The following EYS variants were observed in gnomAD, a reference collection of about 807,000 sequenced individuals.
EYS encodes the protein EGF-like photoreceptor maintenance factor.
Under a neutral mutation model 282.1 loss-of-function variants are expected in EYS, and 250 were observed. The observed-to-expected ratio is 0.89, with a 90% CI of 0.80 to 0.98. EYS has a LOEUF of 0.98. Ranked by LOEUF, EYS falls within the 50% of genes least tolerant of loss-of-function variation. The pLI, the probability that EYS is intolerant of heterozygous loss-of-function variation, is 0.00. For missense variants in EYS, 4,016 were observed against 3,709.0 expected (o/e 1.08, Z -2.15); for synonymous variants, 1,355 against 1,282.9 (o/e 1.06, Z -1.20).
chr6:64,758,306 A>G (rs1172897323), intron 22 of EYS, among the ~76,000 whole-genome samples: 1 of 152,196 alleles, frequency 6.6e-6, no homozygotes, highest in Non-Finnish European at 1.5e-5. Flanking sequence ...GCAGACTAAT[A>G]CAACTTGATT....
rs1767973188 is a variant in EYS, at chr6:65,660,632, AAC to A, written c.-447-20742_-447-20741del. ...AGGGAAATATATGTATACTCACACAAACACACTCACACGCAATTATATATTTT... is the reference window on the plus strand; with the variant it reads ...AGGGAAATATATGTATACTCACACAAACACTCACACGCAATTATATATTTT... On this transcript the variant is annotated intron_variant, in intron 1 of 42. Coordinates refer to ENST00000503581, the MANE Select transcript of EYS (RefSeq NM_001142800.2). 2.0e-5 allele frequency among the ~76,000 whole-genome samples: 3 copies of A among 151,828 alleles called. No individual in the cohort carries two copies. The East Asian group carries it at 5.8e-4, about 29-fold the overall frequency.
At chr6:64,979,405 A>G (rs915708889) in intron 14 of EYS, among the ~76,000 whole-genome samples, 2 of 151,794 alleles carry the variant, frequency 1.3e-5, no homozygotes, top group African/African-American at 4.8e-5. Context: ...ACTTGATAGA[A>G]CTGACCTAAG....
chr6:65,667,373 C>T (rs1768236919), intron 1 of EYS, among the ~76,000 whole-genome samples: 5 of 151,844 alleles, frequency 3.3e-5, no homozygotes. Context: ...CTCTTTCTCA[C>T]TTATTTGGCT....
chr6:64,325,833 G>C (rs1169222314), intron 29 of EYS, among the ~76,000 whole-genome samples: 2 of 152,026 alleles, frequency 1.3e-5, no homozygotes, highest in Non-Finnish European at 2.9e-5. Flanking sequence ...TGAAGACAAG[G>C]TTTTTGAACT....
At chr6:65,670,870 T>TC (rs532977833) in intron 1 of EYS, among the ~76,000 whole-genome samples, 1 of 152,150 alleles carries the variant, frequency 6.6e-6, no homozygotes, top group African/African-American at 2.4e-5. Context: ...GTTATAGCTA[T>TC]CTCACAGAGG....
chr6:64,650,445 A>C (rs907200649), intron 22 of EYS, among the ~76,000 whole-genome samples: 5 of 152,048 alleles, frequency 3.3e-5, no homozygotes, highest in Admixed American at 6.5e-5. Context: ...GAGAAACCCC[A>C]AAAAGAAATA....
At chr6:63,936,491 TAC>T (rs989001713) in intron 35 of EYS, among the ~76,000 whole-genome samples, 1 of 152,214 alleles carries the variant, frequency 6.6e-6, no homozygotes, top group Non-Finnish European at 1.5e-5. Context: ...GCCCCCAGCT[TAC>T]TGTGCATAGT....
intron 35 of EYS, among the ~76,000 whole-genome samples, chr6:63,937,527 C>T (rs1214702841): frequency 6.6e-6 from 1 of 150,632 alleles, no homozygotes; most frequent in East Asian, 1.9e-4. Flanking sequence ...ACTACAGGCG[C>T]CCGCCACCAC....
intron 26 of EYS, among the ~76,000 whole-genome samples, chr6:64,575,306 A>ATAT (rs945395895): frequency 1.4e-5 from 2 of 147,558 alleles, no homozygotes; most frequent in Admixed American, 1.4e-4. Context: ...AATAAAGAGC[A>ATAT]TGTTAAAAAA....
At chr6:65,030,423 C>G (rs1396192643) in intron 13 of EYS, among the ~76,000 whole-genome samples, 2 of 152,168 alleles carry the variant, frequency 1.3e-5, no homozygotes, top group Non-Finnish European at 2.9e-5. Flanking sequence ...CCCCACACCA[C>G]TATGCTGGCA....
At chr6:64,829,188 A>G (rs1765145031) in intron 19 of EYS, among the ~76,000 whole-genome samples, 2 of 151,990 alleles carry the variant, frequency 1.3e-5, no homozygotes. Context: ...TCTGCAATGC[A>G]TGTTAATGCA....
intron 26 of EYS, among the ~76,000 whole-genome samples, chr6:64,534,155 C>T (rs1282966470): frequency 2.0e-5 from 3 of 151,366 alleles, no homozygotes; most frequent in African/African-American, 7.3e-5. Flanking sequence ...ATTTAGAGAT[C>T]TAAATTTAGA....
chr6:64,059,233 T>G (rs1419388805), intron 33 of EYS, among the ~76,000 whole-genome samples: 1 of 152,182 alleles, frequency 6.6e-6, no homozygotes, highest in African/African-American at 2.4e-5. Context: ...CAGTAGGGTC[T>G]TTGTGGTTGC....
Position 65,704,002 on chromosome 6 carries a change from A to T in EYS, c.-448+3133T>A, listed in dbSNP as rs139875018. Among the ~76,000 whole-genome samples the T allele has an allele frequency of 2.3e-3, 347 of 152,184 alleles. 1 individual carries two copies. The highest frequency in any genetic ancestry group is 8.1e-3 in the African/African-American group (335 of 41,518). ...TTGAAAGTGGGGGTCGCTGAGAAGG[A>T]AGGTGAAAAGAAGAGCCATGGAAGC... On this transcript the variant is annotated intron_variant, in intron 1 of 42. Coordinates refer to ENST00000503581, the MANE Select transcript of EYS (RefSeq NM_001142800.2).
At chr6:63,895,089 A>AC (rs536326239) in intron 35 of EYS, among the ~76,000 whole-genome samples, 78 of 150,962 alleles carry the variant, frequency 5.2e-4, no homozygotes, top group African/African-American at 1.8e-3. Flanking sequence ...GTTCTGGGTC[A>AC]CCCCCCATGG....
chr6:63,907,621 G>A (rs903023388), intron 35 of EYS, among the ~76,000 whole-genome samples: 5 of 151,974 alleles, frequency 3.3e-5, no homozygotes, highest in African/African-American at 7.3e-5. Context: ...AAGTACCAAG[G>A]CATTCATTTT....
At chr6:64,544,119 A>G (rs1764773452) in intron 26 of EYS, among the ~76,000 whole-genome samples, 1 of 152,188 alleles carries the variant, frequency 6.6e-6, no homozygotes, top group South Asian at 2.1e-4. Context: ...TGGATGGTTC[A>G]CCAGTCCCTA....
intron 2 of EYS, among the ~76,000 whole-genome samples, chr6:65,507,570 A>G (rs1766702391): frequency 6.6e-6 from 1 of 152,040 alleles, no homozygotes; most frequent in African/African-American, 2.4e-5. Context: ...AACACATAAT[A>G]CACTTTTTGA....
intron 5 of EYS, among the ~76,000 whole-genome samples, chr6:65,417,082 G>A (rs113194551): frequency 0.068 from 10,269 of 151,852 alleles, 490 homozygotes; most frequent in African/African-American, 0.13. Context: ...TTGCTAGTTT[G>A]GCATTTCAGA....
Sources: allele counts gnomAD v4.1 joint callset (sites outside exome capture counted in the v4.1 genomes callset), GRCh38; gene constraint gnomAD v4.1.1; transcripts MANE v1.5; gene names NCBI Gene and HGNC (gene_info 2026-07-23, HGNC 2026-07-21).